Variants in SAXO1 observed in about 807,000 individuals in gnomAD.
SAXO1 encodes the protein 4930500O09Rik.
SAXO1 carries 21 observed loss-of-function variants against 17.5 expected under a neutral mutation model. The observed-to-expected ratio is 1.20, with a 90% CI of 0.85 to 1.72. The LOEUF (loss-of-function observed/expected upper bound fraction) is 1.72. SAXO1 is among the 40% of genes most tolerant of loss of function. SAXO1 has a pLI of 0.00. For synonymous variants in SAXO1, 274 were observed against 216.5 expected, an observed-to-expected ratio of 1.27 and a Z score of -2.33; for missense variants, 843 against 596.0, an observed-to-expected ratio of 1.41 and a Z score of -4.32.
chr9:18,961,828 T>C (rs7046376), intron 1 of SAXO1, among the ~76,000 whole-genome samples: 16,743 of 152,232 alleles, frequency 0.11, 3,151 homozygotes, highest in African/African-American at 0.38. Context: ...AGTAGAATGA[T>C]GTACCTATCC....
upstream of SAXO1, among the ~76,000 whole-genome samples, chr9:19,037,460 C>G (rs1269215678): frequency 1.3e-5 from 2 of 152,192 alleles, no homozygotes; most frequent in African/African-American, 2.4e-5. Context: ...TAATTTGAAT[C>G]ATGACAGCAG....
intron 1 of SAXO1, among the ~76,000 whole-genome samples, chr9:18,972,848 G>A (rs375500809): frequency 3.9e-5 from 6 of 152,062 alleles, no homozygotes; most frequent in South Asian, 2.1e-4. Context: ...GAGTCCTTCC[G>A]GGCCTAAGGC....
Position 18,928,703 on chromosome 9 carries a change from TAG to T in SAXO1, c.772_773del (p.Leu258SerfsTer12). On this transcript the variant is annotated frameshift_variant, in exon 4 of 4. Transcript: ENST00000380534. LOFTEE classifies it low-confidence loss of function (END_TRUNC). ...GCATGTCTAGCCCAGGAGGCCTGGCTAGAGGTTTCAAGCTCTTGGCAGGCTCC... is the reference window on the plus strand; with the variant it reads ...GCATGTCTAGCCCAGGAGGCCTGGCTAGGTTTCAAGCTCTTGGCAGGCTCC... Reference protein sequence around the residue: ...MGEPAKSLKPLARPPGLDMPF... With the variant: ...MGEPAKSLKPXARPPGLDMPF... The T allele has an allele frequency of 6.2e-7, 1 of 1,614,140 alleles. No homozygotes were observed. The highest frequency in any genetic ancestry group is 8.5e-7 in the Non-Finnish European group (1 of 1,180,024).
At chr9:18,975,078 C>G (rs1052933022) in intron 1 of SAXO1, among the ~76,000 whole-genome samples, 1 of 152,028 alleles carries the variant, frequency 6.6e-6, no homozygotes, top group East Asian at 1.9e-4. Context: ...GGCGGTAATA[C>G]TTGAATCAGG....
intron 1 of SAXO1, among the ~76,000 whole-genome samples, chr9:19,031,684 G>C (rs1470692645): frequency 6.6e-6 from 1 of 152,216 alleles, no homozygotes; most frequent in Non-Finnish European, 1.5e-5. Flanking sequence ...GTTTGTACAT[G>C]ATCTAGTTCA....
intron 1 of SAXO1, among the ~76,000 whole-genome samples, chr9:19,023,448 T>G (rs1220954917): frequency 1.3e-5 from 2 of 152,126 alleles, no homozygotes; most frequent in East Asian, 3.9e-4. Flanking sequence ...CTATCTCCCT[T>G]TTACTGATGA....
At chr9:19,007,717 C>G (rs932928910) in intron 1 of SAXO1, among the ~76,000 whole-genome samples, 2 of 141,420 alleles carry the variant, frequency 1.4e-5, no homozygotes, top group African/African-American at 5.4e-5. Flanking sequence ...CAGCTTGCTA[C>G]CTGTTTTTCT....
At chr9:19,015,660 T>A (rs1000511149) in intron 1 of SAXO1, among the ~76,000 whole-genome samples, 2 of 124,920 alleles carry the variant, frequency 1.6e-5, no homozygotes, top group Non-Finnish European at 3.6e-5. Flanking sequence ...TTTTTTTTTT[T>A]AAGAGACTGA....
At chr9:19,044,788 G>A (rs187876112) in intron 1 of SAXO1, among the ~76,000 whole-genome samples, 13 of 152,040 alleles carry the variant, frequency 8.6e-5, no homozygotes, top group Admixed American at 4.6e-4. Context: ...GCGTGAACCC[G>A]GGAGGCGGAG....
At chr9:18,971,191 A>C (rs950838068) in intron 1 of SAXO1, among the ~76,000 whole-genome samples, 15 of 152,180 alleles carry the variant, frequency 9.9e-5, no homozygotes, top group Admixed American at 9.2e-4. Flanking sequence ...ATGTGCAGAC[A>C]GGAAGATCCT....
In SAXO1 at chr9:19,033,009, G is replaced by A. The variant is rs943196320; in HGVS notation, c.-101C>T. The A allele has an allele frequency of 5.6e-5, 67 of 1,196,980 alleles. No homozygotes were observed. The East Asian group carries it at 1.8e-3, about 32-fold the overall frequency. The allele number at this position is 1,196,980 out of a possible 1,614,324, so 74.1% of individuals were successfully genotyped here. On this transcript the variant is annotated 5_prime_UTR_variant, in exon 1 of 4. Coordinates refer to ENST00000380534, the MANE Select transcript of SAXO1 (RefSeq NM_153707.4). The stretch of plus-strand genomic sequence containing the variant: ...TCTTGGGGCACGCCCAGGCTCGAGG[G>A]TCTTGGCAGGTGTTCTGTTTACTCG...
chr9:19,047,436 T>C (rs1836246968), intron 1 of SAXO1, among the ~76,000 whole-genome samples: 1 of 152,152 alleles, frequency 6.6e-6, no homozygotes, highest in Non-Finnish European at 1.5e-5. Flanking sequence ...AGTATTCACA[T>C]GACAGAATAG....
chr9:18,970,555 G>T (rs1406500951), intron 1 of SAXO1, among the ~76,000 whole-genome samples: 1 of 152,216 alleles, frequency 6.6e-6, no homozygotes, highest in East Asian at 1.9e-4. Flanking sequence ...GCCCTAGGCT[G>T]TGGTCGCTGC....
intron 1 of SAXO1, among the ~76,000 whole-genome samples, chr9:18,953,034 C>T (rs763950533): frequency 1.1e-4 from 16 of 152,228 alleles, no homozygotes; most frequent in Non-Finnish European, 2.2e-4. Flanking sequence ...TGCTCACAAT[C>T]GGTCCGACTA....
At chr9:18,972,624 T>G (rs1266760801) in intron 1 of SAXO1, among the ~76,000 whole-genome samples, 1 of 152,170 alleles carries the variant, frequency 6.6e-6, no homozygotes, top group African/African-American at 2.4e-5. Flanking sequence ...CAAAGGACCC[T>G]CATAGAACCA....
intron 3 of SAXO1, among the ~76,000 whole-genome samples, chr9:18,935,221 GGTCACTCT>G (rs1375418669): frequency 6.6e-6 from 1 of 152,130 alleles, no homozygotes; most frequent in East Asian, 1.9e-4. Context: ...ACTTCTTAAG[GGTCACTCT>G]GTCAGCATAG....
chr9:18,947,630 T>C (rs1831852520), intron 2 of SAXO1: 1 of 152,214 alleles, frequency 6.6e-6, no homozygotes, highest in Non-Finnish European at 1.5e-5. Flanking sequence ...TCCAAGTGTT[T>C]TACATGGTGA....
chr9:19,027,517 C>A, intron 1 of SAXO1: 6 of 924,142 alleles, frequency 6.5e-6, no homozygotes, highest in Non-Finnish European at 1.1e-5. Context: ...GGTGCTGGCC[C>A]CCAGGGACGG....
At chr9:18,931,245 A>G (rs1457614054) in intron 3 of SAXO1, among the ~76,000 whole-genome samples, 1 of 152,194 alleles carries the variant, frequency 6.6e-6, no homozygotes, top group Non-Finnish European at 1.5e-5. Context: ...TTTTTTGGAC[A>G]TTTCATATAA....
Sources: gnomAD v4.1 joint callset for allele counts (sites outside exome capture counted in the v4.1 genomes callset) on GRCh38, gnomAD v4.1.1 for gene constraint, MANE v1.5 for transcripts, NCBI Gene and HGNC (gene_info 2026-07-23, HGNC 2026-07-21) for gene names.